TENT4A: variants seen among roughly 807,000 people sequenced by gnomAD.
TENT4A encodes DNA polymerase kappa.
Under a neutral mutation model 72.8 loss-of-function variants are expected in TENT4A, and 7 were observed. The ratio of observed to expected loss-of-function variants is 0.10; its 90% CI spans 0.05 to 0.18. TENT4A has a LOEUF of 0.18. TENT4A is among the 10% of genes least tolerant of loss of function. TENT4A has a pLI of 1.00. For synonymous variants in TENT4A, 456 were observed against 434.3 expected (o/e 1.05, Z -0.62); for missense variants, 831 against 1,017.7 (o/e 0.82, Z 2.50).
At chr5:6,750,650 G>A (rs1264782027) in intron 10 of TENT4A, 147 bp downstream of exon 10, 10 of 682,112 alleles carry the variant, frequency 1.5e-5, no homozygotes, top group African/African-American at 3.7e-5. Flanking sequence ...GGGCAGCCCC[G>A]TGATGTGGGC....
intron 1 of TENT4A, among the ~76,000 whole-genome samples, chr5:6,720,628 A>T (rs1218398799): frequency 6.6e-6 from 1 of 151,984 alleles, no homozygotes; most frequent in Non-Finnish European, 1.5e-5. Flanking sequence ...GTGAGCCGAG[A>T]TCGCACCACA....
At chr5:6,742,761 G>A (rs183558297) in intron 5 of TENT4A, among the ~76,000 whole-genome samples, 164 bp downstream of exon 5, 12 of 152,334 alleles carry the variant, frequency 7.9e-5, no homozygotes, top group African/African-American at 2.9e-4. Flanking sequence ...GAGATACTTT[G>A]AAATTACATA....
At chr5:6,714,966 G>T (rs1579442110) in intron 1 of TENT4A, 1 of 209,758 alleles carries the variant, frequency 4.8e-6, no homozygotes, top group Non-Finnish European at 9.4e-6. Context: ...TTACTCTTGA[G>T]ATTGGAACGG....
intron 1 of TENT4A, among the ~76,000 whole-genome samples, chr5:6,717,118 A>G (rs1018436042): frequency 2.6e-5 from 4 of 152,230 alleles, no homozygotes; most frequent in Non-Finnish European, 5.9e-5. Flanking sequence ...TGTTGGTCCT[A>G]TATAAACTAA....
At chr5:6,737,060 C>G (rs1199074537) in intron 1 of TENT4A, among the ~76,000 whole-genome samples, 2 of 152,216 alleles carry the variant, frequency 1.3e-5, no homozygotes, top group Admixed American at 6.5e-5. Flanking sequence ...ACACCTTGGC[C>G]CATTCTCAGT....
intron 7 of TENT4A, 36 bp from the exon 8 acceptor site, chr5:6,748,428 A>T (rs374186935): frequency 1.6e-5 from 26 of 1,609,572 alleles, no homozygotes; most frequent in Non-Finnish European, 2.2e-5. Flanking sequence ...GATGGTGTGC[A>T]TGTGGGGAGG....
At chr5:6,722,898 A>C (rs947554533) in intron 1 of TENT4A, among the ~76,000 whole-genome samples, 5 of 152,252 alleles carry the variant, frequency 3.3e-5, no homozygotes, top group Non-Finnish European at 7.3e-5. Context: ...TTTTTGCACT[A>C]ATACAGTAGC....
At chr5:6,725,681 GGTTT>G (rs1740883009) in intron 1 of TENT4A, among the ~76,000 whole-genome samples, 1 of 152,126 alleles carries the variant, frequency 6.6e-6, no homozygotes, top group Non-Finnish European at 1.5e-5. Context: ...ACTGATCCGT[GGTTT>G]GTTTTTTAAA....
Position 6,714,180 on chromosome 5 carries a change from C to G in TENT4A, c.197C>G (p.Pro66Arg). 5 of 971,060 alleles carry G rather than the reference C, an allele frequency of 5.1e-6. No individual in the cohort carries two copies. The highest frequency in any genetic ancestry group is 6.1e-6 in the Non-Finnish European group (5 of 821,448). 60.2% of individuals were successfully genotyped at this position (971,060 alleles called of 1,614,324 possible). ...GGGCGGGGCAGTGGCGGCCTGGGCC[C>G]CGCGCTGCCCGCCGCGTCGCCCCCG... ...AAGRGSGGLG[P>R]ALPAASPPPP... Residue 66 changes from proline (P) to arginine (R), a missense_variant, in exon 1 of 13, where the codon CCC becomes CGC. Pro to Arg is a moderately radical substitution (Grantham distance 103). This residue lies in a region of TENT4A where 302 missense variants were observed against 293.8 expected (regional missense o/e 1.03). Transcript: ENST00000230859.
intron 1 of TENT4A, among the ~76,000 whole-genome samples, chr5:6,727,935 G>A (rs967565857): frequency 4.6e-5 from 7 of 152,150 alleles, no homozygotes; most frequent in Non-Finnish European, 8.8e-5. Context: ...CTTTAATATT[G>A]GCTTACATCT....
intron 1 of TENT4A, among the ~76,000 whole-genome samples, chr5:6,715,969 A>G (rs889703529): frequency 6.6e-6 from 1 of 152,178 alleles, no homozygotes; most frequent in Non-Finnish European, 1.5e-5. Flanking sequence ...ATGAATAGCA[A>G]TATATACCTA....
Position 6,743,829 on chromosome 5 carries a change from A to G in TENT4A, c.1234A>G (p.Ser412Gly). The change falls in exon 6 of 13, where the codon AGC becomes GGC. Residue 412 changes from serine to glycine, a missense_variant. This residue lies in a region of TENT4A where 197 missense variants were observed against 399.6 expected (regional missense o/e 0.49). Coordinates refer to ENST00000230859, the MANE Select transcript of TENT4A (RefSeq NM_006999.6). ...ATACAGCCTAATTTTAATGGCCATT[A>G]GCTTTCTACAGGTATGTATGCTTTC... is the stretch of plus-strand genomic sequence containing the variant. ...SSYSLILMAI[S>G]FLQLHPRIDA... 1.2e-6 allele frequency: 2 copies of G among 1,614,010 alleles called. No homozygotes were observed. Among genetic ancestry groups the G allele is most frequent in the Non-Finnish European group, 1.7e-6 (2 of 1,179,934 alleles).
intron 1 of TENT4A, among the ~76,000 whole-genome samples, chr5:6,722,185 CT>C (rs1480495935): frequency 5.3e-5 from 8 of 152,250 alleles, no homozygotes; most frequent in African/African-American, 1.4e-4. Context: ...GTTTCCCCCC[CT>C]GTGAAGCAGA....
At chr5:6,715,986 C>T (rs1187424921) in intron 1 of TENT4A, among the ~76,000 whole-genome samples, 1 of 152,096 alleles carries the variant, frequency 6.6e-6, no homozygotes, top group Non-Finnish European at 1.5e-5. Context: ...CCTAAGGGCT[C>T]GCTTGGGGAG....
At chr5:6,750,305 T>C in intron 9 of TENT4A, 26 bp from the exon 10 acceptor site, 1 of 1,590,728 alleles carries the variant, frequency 6.3e-7, no homozygotes, top group South Asian at 1.1e-5. Context: ...TCAGGAGTTA[T>C]TAACCAAGGC....
intron 1 of TENT4A, among the ~76,000 whole-genome samples, chr5:6,731,264 A>G (rs1394127444): frequency 2.6e-5 from 4 of 152,216 alleles, no homozygotes; most frequent in Middle Eastern, 3.2e-3. Flanking sequence ...ATAAATTCAC[A>G]GTTAATGAGT....
chr5:6,735,127 G>C (rs947734346), intron 1 of TENT4A, among the ~76,000 whole-genome samples: 6 of 152,196 alleles, frequency 3.9e-5, no homozygotes, highest in Admixed American at 3.9e-4. Flanking sequence ...GGAATGCCCT[G>C]TTTACAATAT....
At position 6,753,051 on chromosome 5, in the gene TENT4A, C is replaced by G. The variant is rs1424858429; in HGVS notation, c.2184+14C>G. On this transcript the variant is annotated intron_variant, in intron 12 of 12. Transcript: ENST00000230859. ...CTGTATCATAAGGTATAGCTCTGTC[C>G]TGGTGCATTCACCTACCTGTTCAAG... 1.3e-6 allele frequency: 2 copies of G among 1,592,122 alleles called. No homozygotes were observed. The highest frequency in any genetic ancestry group is 4.5e-5 in the East Asian group (2 of 44,240).
Position 6,755,003 on chromosome 5 carries a change from C to A in TENT4A, c.*58C>A. Reference sequence around the variant, plus strand: ...TCTGCAGACTGCCCCGCGGCCTCGGCCACCGGCAGGGGAACCGAGACCAGC... The same window carrying A: ...TCTGCAGACTGCCCCGCGGCCTCGGACACCGGCAGGGGAACCGAGACCAGC... On this transcript the variant is annotated 3_prime_UTR_variant, in exon 13 of 13. Transcript: ENST00000230859. The A allele has an allele frequency of 1.4e-6, 2 of 1,441,142 alleles. No homozygotes were observed. Among genetic ancestry groups the A allele is most frequent in the East Asian group, 2.5e-5 (1 of 40,618 alleles). The allele number at this position is 1,441,142 out of a possible 1,614,324, so 89.3% of individuals were successfully genotyped here.
Sources: gnomAD v4.1 joint callset for allele counts (sites outside exome capture counted in the v4.1 genomes callset) on GRCh38, gnomAD v4.1.1 for gene constraint, gnomAD v4.1.1 regional missense constraint, MANE v1.5 for transcripts, NCBI Gene and HGNC (gene_info 2026-07-23, HGNC 2026-07-21) for gene names.